BSG: variants seen among roughly 807,000 people sequenced by gnomAD.
The protein encoded by BSG is basigin (Ok blood group).
In BSG, 37 loss-of-function variants were observed where a neutral mutation model predicts 43.1. The ratio of observed to expected loss-of-function variants is 0.86; its 90% CI spans 0.66 to 1.13. The LOEUF (loss-of-function observed/expected upper bound fraction) is 1.13, where lower values mean the gene tolerates loss of function less well. Among genes scored for constraint, BSG ranks in the 50% most tolerant of loss-of-function variants. The pLI is 0.00. For synonymous variants in BSG, 309 were observed against 238.7 expected, an observed-to-expected ratio of 1.29 and a Z score of -2.72; for missense variants, 599 against 554.2, an observed-to-expected ratio of 1.08 and a Z score of -0.81.
At chr19:578,190 TGCTCAGTAGAACCCAGAC>T in intron 2 of BSG, 69 bp downstream of exon 2, 1 of 1,400,130 alleles carries the variant, frequency 7.1e-7, no homozygotes, top group South Asian at 1.5e-5. Flanking sequence ...TCCCGGCTCC[TGCTCAGTAGAACCCAGAC>T]GCCTCCTCCC....
rs758540247 is a variant in BSG at position 577,756 on chromosome 19, C to CG, written c.68-17dup. ...TGCCCCAGGCACTAACAAGACCCCACGCGTGCTCTCCCCACAGCCGGCTTC... is the reference window on the plus strand; with the variant it reads ...TGCCCCAGGCACTAACAAGACCCCACGGCGTGCTCTCCCCACAGCCGGCTTC... On this transcript the variant is annotated splice_polypyrimidine_tract_variant and intron_variant, in intron 1 of 8. Coordinates refer to ENST00000333511, the MANE Select transcript of BSG (RefSeq NM_001728.4). 43 of 1,395,178 alleles carry CG rather than the reference C, an allele frequency of 3.1e-5. No homozygotes were observed. The South Asian group carries it at 7.2e-4, about 23-fold the overall frequency. The allele number at this position is 1,395,178 out of a possible 1,614,324, so 86.4% of individuals were successfully genotyped here.
Position 580,692 on chromosome 19 carries a change from G to A in BSG, c.702G>A (p.Glu234=), listed in dbSNP as rs560555740. 2.9e-5 allele frequency: 47 copies of A among 1,612,710 alleles called. No homozygotes were observed. The highest frequency in any genetic ancestry group is 3.7e-5 in the Non-Finnish European group (44 of 1,179,936). The change falls in exon 5 of 9, where the codon GAG becomes GAA. Residue 234 remains glutamate, a synonymous_variant. Transcript: ENST00000333511. ...KAVKSSEHIN[E]GETAMLVCKS... ...TGAAGTCGTCAGAACACATCAACGA[G>A]GGGGAGACGGCCATGCTGGTCTGCA...
chr19:572,785 C>A, intron 1 of BSG, 84 bp downstream of exon 1: 1 of 1,290,294 alleles, frequency 7.8e-7, no homozygotes, highest in Non-Finnish European at 9.9e-7. Context: ...CCGACGGGAG[C>A]CTGGGGCCTC....
intron 1 of BSG, among the ~76,000 whole-genome samples, chr19:577,185 A>G (rs1215773114): frequency 1.3e-5 from 2 of 151,702 alleles, no homozygotes; most frequent in Non-Finnish European, 2.9e-5. Context: ...AAGGAAGGGG[A>G]GGCGTGTGGC....
chr19:582,774 C>A lies in BSG; in HGVS notation c.*30C>A. 1 of 625,562 alleles carries A rather than the reference C, an allele frequency of 1.6e-6. No individual in the cohort carries two copies. The highest frequency in any genetic ancestry group is 2.8e-6 in the Non-Finnish European group (1 of 357,826). The allele number at this position is 625,562 out of a possible 1,614,324, so 38.8% of individuals were successfully genotyped here. ...GGTGGCCCGAGGACGCTCCCTGCTC[C>A]ACGTCTGCGCCGCCGCCGGAGTCCA... On this transcript the variant is annotated 3_prime_UTR_variant, in exon 9 of 9. Transcript: ENST00000333511.
chr19:577,692 C>T, intron 1 of BSG, 82 bp from the exon 2 acceptor site: 1 of 1,190,000 alleles, frequency 8.4e-7, no homozygotes, highest in South Asian at 2.5e-5. Flanking sequence ...GGCTGGGAGT[C>T]CTGTGGGCGA....
At chr19:578,808 G>T in intron 2 of BSG, 1 of 348,308 alleles carries the variant, frequency 2.9e-6, no homozygotes, top group South Asian at 2.1e-5. Flanking sequence ...TCGGCTCACT[G>T]CAACTTCCGC....
chr19:577,507 T>G (rs1396911948), intron 1 of BSG, among the ~76,000 whole-genome samples: 1 of 152,112 alleles, frequency 6.6e-6, no homozygotes, highest in East Asian at 1.9e-4. Context: ...CAGTTTCATG[T>G]GTTTTGTGTT....
At chr19:577,697 G>A in intron 1 of BSG, 77 bp from the exon 2 acceptor site, 1 of 1,229,480 alleles carries the variant, frequency 8.1e-7, no homozygotes, top group Non-Finnish European at 1.0e-6. Flanking sequence ...GGAGTCCTGT[G>A]GGCGAGGCCT....
chr19:576,225 CA>C (rs1336779493), intron 1 of BSG, among the ~76,000 whole-genome samples: 8 of 152,316 alleles, frequency 5.3e-5, no homozygotes, highest in African/African-American at 1.9e-4. Flanking sequence ...TGAGGTGAGT[CA>C]GGGGCCAGCC....
chr19:581,794 G>C (rs778908884), intron 6 of BSG, among the ~76,000 whole-genome samples: 1 of 152,250 alleles, frequency 6.6e-6, no homozygotes, highest in Non-Finnish European at 1.5e-5. Flanking sequence ...GCGGGACCCC[G>C]GGAGGAGGAG....
chr19:579,322 G>T (rs779054103), intron 2 of BSG, 178 bp from the exon 3 acceptor site: 3 of 856,058 alleles, frequency 3.5e-6, no homozygotes, highest in Admixed American at 4.0e-5. Flanking sequence ...TTCCCTTCCC[G>T]GAGGCGTGGC....
At chr19:576,563 C>G (rs1471295117) in intron 1 of BSG, among the ~76,000 whole-genome samples, 1 of 152,180 alleles carries the variant, frequency 6.6e-6, no homozygotes, top group Non-Finnish European at 1.5e-5. Context: ...GGTTCAATAC[C>G]AGCCTGGCCA....
chr19:582,556 C>T lies in BSG; in HGVS notation c.1137C>T (p.Val379=). 2 of 1,605,132 alleles carry T rather than the reference C, an allele frequency of 1.2e-6. No homozygotes were observed. The highest frequency in any genetic ancestry group is 2.2e-5 in the South Asian group (2 of 89,906). ...GQHQNDKGKN[V]RQRNSS is the part of the protein sequence containing the mutation. ...ACCAGAATGACAAAGGCAAGAACGTCCGCCAGAGGAACTCTTCCTGAGGCA... is the reference window on the plus strand; with the variant it reads ...ACCAGAATGACAAAGGCAAGAACGTTCGCCAGAGGAACTCTTCCTGAGGCA... Residue 379 remains valine, a synonymous_variant, in exon 8 of 9, where the codon GTC becomes GTT. Transcript: ENST00000333511.
chr19:580,576 C>T (rs1982200644), intron 4 of BSG, 70 bp from the exon 5 acceptor site: 60 of 1,606,770 alleles, frequency 3.7e-5, no homozygotes, highest in Non-Finnish European at 4.9e-5. Context: ...GGGGAACAGC[C>T]CTCCTGCGGG....
chr19:574,881 C>G (rs376766989), intron 1 of BSG, among the ~76,000 whole-genome samples: 1 of 152,194 alleles, frequency 6.6e-6, no homozygotes, highest in Non-Finnish European at 1.5e-5. Context: ...GAGGTGAGCG[C>G]GGAAGATAAG....
Position 581,478 on chromosome 19 carries a change from G to A in BSG, c.956G>A (p.Arg319His), listed in dbSNP as rs1464272004. 5 of 1,606,042 alleles carry A rather than the reference G, an allele frequency of 3.1e-6. No homozygotes were observed. Among genetic ancestry groups the A allele is most frequent in the East Asian group, 4.5e-5 (2 of 44,376 alleles). The change falls in exon 6 of 9, where the codon CGC (arginine) becomes CAC (histidine). Residue 319 changes from arginine (R) to histidine (H), a missense_variant. By Grantham distance (29) the Arg-to-His change is conservative. Coordinates refer to ENST00000333511, the MANE Select transcript of BSG (RefSeq NM_001728.4). ...SDQAIITLRV[R>H]SHLAALWPFL... Reference sequence around the variant, plus strand: ...CAGGCCATCATCACGCTCCGCGTGCGCAGCCACCTGGCCGCCCTCTGGCCC... The same window carrying A: ...CAGGCCATCATCACGCTCCGCGTGCACAGCCACCTGGCCGCCCTCTGGCCC...
chr19:581,155 G>A (rs1982276605), intron 5 of BSG, among the ~76,000 whole-genome samples, 160 bp from the exon 6 acceptor site: 2 of 109,656 alleles, frequency 1.8e-5, no homozygotes, highest in Non-Finnish European at 3.6e-5. Flanking sequence ...CCCGGACCCA[G>A]CCCTCCGGAC....
rs769795474 is a variant in BSG, at chr19:580,446, A to G, written c.640A>G (p.Asn214Asp). 15 of 1,610,806 alleles carry G rather than the reference A, an allele frequency of 9.3e-6. No homozygotes were observed. The highest frequency in any genetic ancestry group is 8.5e-7 in the Non-Finnish European group (1 of 1,179,912). ...CCTCCCCGAGCCCATGGGCACGGCC[A>G]ACATCCAGCTCCACGGTGAGTCCTG... ...VFLPEPMGTA[N>D]IQLHGPPRVK... The change falls in exon 4 of 9, where the codon AAC becomes GAC. Residue 214 changes from asparagine (N) to aspartate (D), a missense_variant. Asn to Asp is a conservative substitution (Grantham distance 23). Transcript: ENST00000333511.
Sources: allele counts gnomAD v4.1 joint callset (sites outside exome capture counted in the v4.1 genomes callset), GRCh38; gene constraint gnomAD v4.1.1; transcripts MANE v1.5; gene names NCBI Gene and HGNC (gene_info 2026-07-23, HGNC 2026-07-21).